BBS12: variants seen among roughly 807,000 people sequenced by gnomAD.
BBS12 encodes the protein Bardet-Biedl syndrome 12, also known as chaperonin-containing T-complex member BBS12.
Under a neutral mutation model 5.6 loss-of-function variants are expected in BBS12, and 5 were observed. The observed-to-expected ratio is 0.89, with a 90% CI of 0.46 to 1.86. BBS12 has a LOEUF of 1.86. BBS12 is among the 40% of genes most tolerant of loss of function. The pLI is 0.01. For missense variants in BBS12, 748 were observed against 830.4 expected (o/e 0.90, Z 1.22); for synonymous variants, 308 against 306.8 (o/e 1.00, Z -0.04).
At position 122,742,090 on chromosome 4, in the gene BBS12, G is replaced by T; in HGVS notation, c.198G>T (p.Val66=). 6.2e-7 allele frequency: 1 copy of T among 1,614,128 alleles called. No homozygotes were observed. Residue 66 remains valine, a synonymous_variant, in exon 2 of 2, where the codon GTG becomes GTT. Transcript: ENST00000314218. ...AAAGTTTGGATTTAACCAGTGCAGT[G>T]GGACAACTTCTCAATGAAGCAGTTC... ...LLESLDLTSA[V]GQLLNEAVQA...
At chr4:122,719,494 T>C in the BBS12 span, among the ~76,000 whole-genome samples, 1 of 151,286 alleles carries the variant, frequency 6.6e-6, no homozygotes, top group African/African-American at 2.5e-5. Context: ...GTTGTAACAC[T>C]CACCGTGAGG....
At chr4:122,739,153 C>G (rs917516086) in intron 1 of BBS12, among the ~76,000 whole-genome samples, 1 of 152,216 alleles carries the variant, frequency 6.6e-6, no homozygotes, top group African/African-American at 2.4e-5. Context: ...TCAGAAGGAG[C>G]ATGGACCTGC....
chr4:122,743,548 T>A lies in BBS12; in HGVS notation c.1656T>A (p.Ile552=). The change falls in exon 2 of 2, where the codon ATT becomes ATA. Residue 552 remains isoleucine (I), a synonymous_variant. Transcript: ENST00000314218. ...VEFLCLSCLH[I]LAEQSLKKEN... ...TTTTGTGTCTTAGCTGTCTTCATAT[T>A]CTTGCAGAGCAATCTCTGAAAAAAG... is the stretch of plus-strand genomic sequence containing the variant. 1 of 1,614,212 alleles carries A rather than the reference T, an allele frequency of 6.2e-7. No individual in the cohort carries two copies. The highest frequency in any genetic ancestry group is 8.5e-7 in the Non-Finnish European group (1 of 1,180,040).
At chr4:122,707,943 CCCTTCCTTCCTT>C in the BBS12 span, among the ~76,000 whole-genome samples, 36 of 143,234 alleles carry the variant, frequency 2.5e-4, no homozygotes, top group Admixed American at 9.2e-4. Context: ...ACACTCCTTT[CCCTTCCTTCCTT>C]CCTTCCTTCC....
chr4:122,716,574 T>C, the BBS12 span, among the ~76,000 whole-genome samples: 1 of 149,174 alleles, frequency 6.7e-6, no homozygotes, highest in Non-Finnish European at 1.5e-5. Flanking sequence ...TATATAAACA[T>C]ATGTATATAT....
Position 122,743,741 on chromosome 4 carries a change from A to G in BBS12, c.1849A>G (p.Thr617Ala), listed in dbSNP as rs771057055. Residue 617 changes from threonine to alanine, a missense_variant, in exon 2 of 2, where the codon ACA becomes GCA. Coordinates refer to ENST00000314218, the MANE Select transcript of BBS12 (RefSeq NM_152618.3). ...ANYSSEFEAS[T>A]YIQHHLQNAT... Reference sequence around the variant, plus strand: ...TTACTCATCAGAATTTGAAGCCAGCACATACATTCAACATCATCTGCAAAA... The same window carrying G: ...TTACTCATCAGAATTTGAAGCCAGCGCATACATTCAACATCATCTGCAAAA... 9.9e-6 allele frequency: 16 copies of G among 1,614,118 alleles called. No individual in the cohort carries two copies. The Admixed American group carries it at 2.3e-4, about 24-fold the overall frequency.
chr4:122,739,100 C>G (rs1238289392), intron 1 of BBS12, among the ~76,000 whole-genome samples: 1 of 152,192 alleles, frequency 6.6e-6, no homozygotes, highest in Non-Finnish European at 1.5e-5. Context: ...CTAGGAGCAA[C>G]TAGAAGCTGG....
At chr4:122,741,576 A>G (rs543164990) in intron 1 of BBS12, among the ~76,000 whole-genome samples, 17 of 152,092 alleles carry the variant, frequency 1.1e-4, no homozygotes, top group Non-Finnish European at 2.1e-4. Flanking sequence ...TACATTTACT[A>G]CTACCTCCTT....
the BBS12 span, among the ~76,000 whole-genome samples, chr4:122,722,734 C>G: frequency 2.6e-5 from 4 of 152,264 alleles, no homozygotes; most frequent in South Asian, 6.2e-4. Flanking sequence ...CACAACCTTA[C>G]TTTCAGCAAT....
chr4:122,730,526 C>T (rs1158207597), upstream of BBS12: 1 of 152,138 alleles, frequency 6.6e-6, no homozygotes, highest in Non-Finnish European at 1.5e-5. Context: ...TAATTTTCCA[C>T]AAGGACTAAA....
the BBS12 span, among the ~76,000 whole-genome samples, chr4:122,706,188 G>T: frequency 6.6e-6 from 1 of 151,916 alleles, no homozygotes; most frequent in South Asian, 2.1e-4. Context: ...CTCTCTCTCT[G>T]TCTCTCTCTG....
chr4:122,712,488 C>G, the BBS12 span, among the ~76,000 whole-genome samples: 1 of 152,212 alleles, frequency 6.6e-6, no homozygotes, highest in Non-Finnish European at 1.5e-5. Flanking sequence ...CAGAAAATCA[C>G]TTAATTGCAA....
chr4:122,726,431 TG>T, the BBS12 span, among the ~76,000 whole-genome samples: 6,018 of 152,284 alleles, frequency 0.04, 410 homozygotes, highest in African/African-American at 0.13. Flanking sequence ...TAATAGATGT[TG>T]GTGTGGATGC....
chr4:122,713,765 C>G, the BBS12 span, among the ~76,000 whole-genome samples: 12 of 152,160 alleles, frequency 7.9e-5, no homozygotes, highest in South Asian at 2.1e-4. Flanking sequence ...AATATTTAGA[C>G]AACTGCTTGG....
At chr4:122,708,079 A>G in the BBS12 span, among the ~76,000 whole-genome samples, 3 of 147,126 alleles carry the variant, frequency 2.0e-5, no homozygotes, top group Admixed American at 6.9e-5. Flanking sequence ...CGGGGCAATC[A>G]TGGCTTACTG....
the BBS12 span, among the ~76,000 whole-genome samples, chr4:122,715,594 G>A: frequency 1.3e-5 from 2 of 152,088 alleles, no homozygotes; most frequent in African/African-American, 4.8e-5. Context: ...AACACTCCTC[G>A]GGGCACAGCA....
At chr4:122,709,715 C>A in the BBS12 span, among the ~76,000 whole-genome samples, 2 of 152,058 alleles carry the variant, frequency 1.3e-5, no homozygotes, top group African/African-American at 4.8e-5. Flanking sequence ...GTTGCAGTGG[C>A]GTGACCTTGG....
chr4:122,719,848 G>A, the BBS12 span, among the ~76,000 whole-genome samples: 1 of 152,224 alleles, frequency 6.6e-6, no homozygotes, highest in African/African-American at 2.4e-5. Flanking sequence ...GCTTTCAATT[G>A]AGATGCAGAA....
At chr4:122,701,313 G>A in the BBS12 span, among the ~76,000 whole-genome samples, 3 of 152,306 alleles carry the variant, frequency 2.0e-5, no homozygotes, top group East Asian at 3.9e-4. Context: ...GTCCATACCC[G>A]ATAATTATGA....
Sources: gnomAD v4.1 joint callset for allele counts (sites outside exome capture counted in the v4.1 genomes callset) on GRCh38, gnomAD v4.1.1 for gene constraint, MANE v1.5 for transcripts, NCBI Gene and HGNC (gene_info 2026-07-23, HGNC 2026-07-21) for gene names.